Variants in KANTR observed in about 807,000 individuals in gnomAD.
KANTR encodes the protein KANTR integral membrane protein.
downstream of KANTR, chrX:53,143,890 G>A (rs1209400924): frequency 4.8e-6 from 2 of 417,850 alleles, no homozygotes; most frequent in African/African-American, 2.5e-5. Context: ...TGTCAATGAT[G>A]AGCGCGGCGA....
chrX:53,117,609 GTTTTTTT>G (rs869034016), intron 2 of KANTR, among the ~76,000 whole-genome samples: 1 of 63,889 alleles, frequency 1.6e-5, no homozygotes, highest in Non-Finnish European at 2.7e-5. Context: ...GTGTGTGTGT[GTTTTTTT>G]TTTTTTTTTT....
At chrX:53,121,919 A>G (rs782666515) in intron 2 of KANTR, among the ~76,000 whole-genome samples, 2 of 111,023 alleles carry the variant, frequency 1.8e-5, no homozygotes, top group Non-Finnish European at 3.8e-5. Flanking sequence ...TTCCCTTTTC[A>G]TAGTCTGTTC....
downstream of KANTR, among the ~76,000 whole-genome samples, chrX:53,146,101 T>G (rs1209151121): frequency 8.9e-6 from 1 of 111,831 alleles, no homozygotes; most frequent in Non-Finnish European, 1.9e-5. Context: ...CCTATCCTCC[T>G]CCAAAGGAAC....
intron 2 of KANTR, among the ~76,000 whole-genome samples, chrX:53,110,044 T>C (rs1295326145): frequency 8.9e-6 from 1 of 112,291 alleles, no homozygotes; most frequent in Non-Finnish European, 1.9e-5. Context: ...CATGAGCCAC[T>C]GCACGCAGGC....
intron 2 of KANTR, among the ~76,000 whole-genome samples, chrX:53,104,467 T>C (rs1291557134): frequency 9.1e-6 from 1 of 110,094 alleles, no homozygotes; most frequent in Non-Finnish European, 1.9e-5. Flanking sequence ...CCTCAAGTGA[T>C]CCACCCGCCT....
chrX:53,146,059 C>A (rs1556819292), downstream of KANTR, among the ~76,000 whole-genome samples: 1 of 111,640 alleles, frequency 9.0e-6, no homozygotes, highest in East Asian at 2.8e-4. Context: ...AAAAACAGAG[C>A]AGAAAAAACG....
intron 1 of KANTR, among the ~76,000 whole-genome samples, chrX:53,099,147 A>G (rs1276363100): frequency 1.8e-5 from 2 of 111,381 alleles, no homozygotes; most frequent in African/African-American, 6.5e-5. Context: ...AAGGCGGGTG[A>G]ATTGCCTAAG....
intron 2 of KANTR, among the ~76,000 whole-genome samples, chrX:53,110,490 C>T (rs782686302): frequency 8.9e-6 from 1 of 112,000 alleles, no homozygotes; most frequent in African/African-American, 3.2e-5. Flanking sequence ...AGTAAATGAT[C>T]CATTTAATGT....
At chrX:53,134,908 G>T (rs1933404060) in intron 2 of KANTR, among the ~76,000 whole-genome samples, 1 of 111,732 alleles carries the variant, frequency 8.9e-6, no homozygotes, top group Admixed American at 9.5e-5. Context: ...AAATCTGATT[G>T]ATCCAAACCA....
At chrX:53,104,673 GC>G (rs1417909365) in intron 2 of KANTR, among the ~76,000 whole-genome samples, 12 of 111,178 alleles carry the variant, frequency 1.1e-4, no homozygotes, top group African/African-American at 3.9e-4. Flanking sequence ...TACTGGTCTT[GC>G]TGGCTGGCTT....
intron 2 of KANTR, chrX:53,141,839 T>G: frequency 4.1e-6 from 1 of 241,952 alleles, no homozygotes; most frequent in South Asian, 7.5e-5. Context: ...AGGATGAATA[T>G]ATTTACAGGT....
intron 1 of KANTR, among the ~76,000 whole-genome samples, chrX:53,096,029 C>A (rs899093317): frequency 2.7e-5 from 3 of 110,842 alleles, no homozygotes; most frequent in African/African-American, 9.9e-5. Flanking sequence ...TCCTCAAATA[C>A]CCACAAGGCT....
chrX:53,142,608 C>A, exon 3 of KANTR: 1 of 317,388 alleles, frequency 3.2e-6, no homozygotes, highest in Non-Finnish European at 6.1e-6. Flanking sequence ...GCCACCACTT[C>A]TGGCCACAAA....
intron 2 of KANTR, among the ~76,000 whole-genome samples, chrX:53,120,897 T>C (rs1556815409): frequency 1.8e-5 from 2 of 110,285 alleles, no homozygotes; most frequent in Admixed American, 9.7e-5. Flanking sequence ...ATTTTTTGTA[T>C]TTTTAGTAGA....
At chrX:53,133,869 C>T (rs1398855257) in intron 2 of KANTR, among the ~76,000 whole-genome samples, 1 of 111,483 alleles carries the variant, frequency 9.0e-6, no homozygotes, top group Non-Finnish European at 1.9e-5. Flanking sequence ...CTCTGACTTC[C>T]CCAGAAGCAG....
chrX:53,145,307 A>G (rs782308646), downstream of KANTR, among the ~76,000 whole-genome samples: 2 of 111,953 alleles, frequency 1.8e-5, no homozygotes, highest in South Asian at 7.5e-4. Flanking sequence ...TCCCACCCTA[A>G]TACTGCGCTT....
At chrX:53,097,516 C>G (rs1556811117) in intron 1 of KANTR, among the ~76,000 whole-genome samples, 1 of 104,479 alleles carries the variant, frequency 9.6e-6, no homozygotes, top group African/African-American at 3.5e-5. Context: ...CCACGCCTGG[C>G]TAATTTTTGT....
At chrX:53,102,041 A>G (rs1932899478) in intron 2 of KANTR, among the ~76,000 whole-genome samples, 1 of 110,772 alleles carries the variant, frequency 9.0e-6, no homozygotes, top group Admixed American at 9.7e-5. Flanking sequence ...AGATCACCAT[A>G]ACAGATATAA....
chrX:53,107,302 C>CTTTTTGTTTT (rs1932966435), intron 2 of KANTR, among the ~76,000 whole-genome samples: 1 of 61,659 alleles, frequency 1.6e-5, no homozygotes, highest in Non-Finnish European at 2.7e-5. Flanking sequence ...ATCCTCTTTG[C>CTTTTTGTTTT]TTTTTTTTTT....
Sources: allele counts gnomAD v4.1 joint callset (sites outside exome capture counted in the v4.1 genomes callset), GRCh38; gene constraint gnomAD v4.1.1; transcripts MANE v1.5; gene names NCBI Gene and HGNC (gene_info 2026-07-23, HGNC 2026-07-21).